Variants in INPP4B observed in about 807,000 individuals in gnomAD.
INPP4B encodes the protein inositol polyphosphate 4-phosphatase type II.
INPP4B carries 55 observed loss-of-function variants against 122.5 expected under a neutral mutation model. The ratio of observed to expected loss-of-function variants is 0.45; its 90% CI spans 0.36 to 0.56. INPP4B has a LOEUF of 0.56. Among genes scored for constraint, INPP4B ranks in the 20% least tolerant of loss-of-function variants. INPP4B has a pLI of 0.00. For synonymous variants in INPP4B, 403 were observed against 388.7 expected (o/e 1.04, Z -0.43); for missense variants, 1,000 against 1,097.7 (o/e 0.91, Z 1.26).
At chr4:142,540,112 G>A (rs968293619) in intron 2 of INPP4B, among the ~76,000 whole-genome samples, 2 of 151,816 alleles carry the variant, frequency 1.3e-5, no homozygotes, top group Non-Finnish European at 2.9e-5. Context: ...AATACAAGTG[G>A]AATGAAATAA....
intron 7 of INPP4B, among the ~76,000 whole-genome samples, chr4:142,377,255 GA>G (rs1245125809): frequency 6.6e-6 from 1 of 151,502 alleles, no homozygotes; most frequent in East Asian, 1.9e-4. Context: ...GGCTAGTGAA[GA>G]AACATTTTGC....
chr4:142,209,932 A>G (rs1844210538), intron 12 of INPP4B, among the ~76,000 whole-genome samples: 1 of 152,140 alleles, frequency 6.6e-6, no homozygotes, highest in African/African-American at 2.4e-5. Context: ...TCTTTATCAA[A>G]AAGAAGAGCT....
intron 7 of INPP4B, among the ~76,000 whole-genome samples, chr4:142,357,731 G>C (rs1480269900): frequency 6.6e-6 from 1 of 151,946 alleles, no homozygotes; most frequent in Non-Finnish European, 1.5e-5. Context: ...TTTGCCTCTA[G>C]TAAATCTTAT....
chr4:142,453,425 A>G (rs1471832780), intron 3 of INPP4B, among the ~76,000 whole-genome samples: 1 of 152,202 alleles, frequency 6.6e-6, no homozygotes, highest in Non-Finnish European at 1.5e-5. Flanking sequence ...TAAATTGTCT[A>G]TAGTTTCTGA....
In INPP4B at chr4:142,629,531, A is replaced by C. The variant is rs1340697070; in HGVS notation, c.-191+96308T>G. ...ATGAGTGTGTATGTGTGTGTGTTTG[A>C]GGGGCAGAGAGAACACACTGAGGTG... On this transcript the variant is annotated intron_variant, in intron 2 of 25. Coordinates refer to ENST00000262992, the MANE Select transcript of INPP4B (RefSeq NM_001101669.3). Among the ~76,000 whole-genome samples, 3 of 152,002 alleles carry C rather than the reference A, an allele frequency of 2.0e-5. No individual in the cohort carries two copies. In the South Asian group the frequency reaches 6.2e-4, roughly 31 times the overall value.
At position 142,483,182 on chromosome 4, in the gene INPP4B, C is replaced by CTTTTTT. The variant is rs5862604; in HGVS notation, c.-190-20462_-190-20457dup. On this transcript the variant is annotated intron_variant, in intron 2 of 25. Transcript: ENST00000262992. The stretch of plus-strand genomic sequence containing the variant: ...TAATAATGACTGGAGTCAGGCTATG[C>CTTTTTT]TTTTTTTTTTTTTTTTTTTTTTTTT... 5.4e-4 allele frequency among the ~76,000 whole-genome samples: 26 copies of CTTTTTT among 48,334 alleles called. 6 individuals are homozygous for CTTTTTT. The highest frequency in any genetic ancestry group is 2.3e-3 in the African/African-American group (23 of 10,092). 31.7% of individuals were successfully genotyped at this position (48,334 alleles called of 152,430 possible).
At chr4:142,514,821 A>C (rs943605849) in intron 2 of INPP4B, among the ~76,000 whole-genome samples, 26 of 142,098 alleles carry the variant, frequency 1.8e-4, no homozygotes, top group African/African-American at 6.9e-4. Flanking sequence ...TTTGAGACGA[A>C]GTCTCACTCT....
At chr4:142,062,046 T>G (rs1361983229) in intron 25 of INPP4B, among the ~76,000 whole-genome samples, 2 of 152,008 alleles carry the variant, frequency 1.3e-5, no homozygotes, top group African/African-American at 4.8e-5. Context: ...CTTGCAAGTA[T>G]GCTAAATTCA....
chr4:142,809,861 T>A (rs368056155), intron 1 of INPP4B, among the ~76,000 whole-genome samples: 1 of 151,984 alleles, frequency 6.6e-6, no homozygotes, highest in African/African-American at 2.4e-5. Flanking sequence ...GGATATTACA[T>A]GGCCTTGGTC....
At chr4:142,733,625 C>A (rs1766408955) in intron 1 of INPP4B, among the ~76,000 whole-genome samples, 1 of 151,894 alleles carries the variant, frequency 6.6e-6, no homozygotes, top group Admixed American at 6.6e-5. Flanking sequence ...AAGATAATAG[C>A]AAGAGTTAGC....
chr4:142,447,021 TTTTC>T (rs1364187761), intron 3 of INPP4B, among the ~76,000 whole-genome samples: 1 of 152,178 alleles, frequency 6.6e-6, no homozygotes, highest in East Asian at 1.9e-4. Context: ...GAAAAAAAGT[TTTTC>T]TTTATATCTG....
At chr4:142,736,729 T>C (rs1027223975) in intron 1 of INPP4B, among the ~76,000 whole-genome samples, 2 of 152,180 alleles carry the variant, frequency 1.3e-5, no homozygotes, top group African/African-American at 2.4e-5. Context: ...AGATATACAA[T>C]CATGTCATCT....
chr4:142,253,887 C>G (rs1579463806), intron 11 of INPP4B, among the ~76,000 whole-genome samples: 1 of 152,166 alleles, frequency 6.6e-6, no homozygotes, highest in Non-Finnish European at 1.5e-5. Flanking sequence ...TCTGTAGGCT[C>G]CACCTCTGGG....
intron 2 of INPP4B, among the ~76,000 whole-genome samples, chr4:142,667,091 T>C (rs1353387948): frequency 6.6e-6 from 1 of 152,170 alleles, no homozygotes; most frequent in Non-Finnish European, 1.5e-5. Flanking sequence ...ATGCTGATCA[T>C]ACTAACAGCA....
intron 18 of INPP4B, among the ~76,000 whole-genome samples, chr4:142,141,789 C>T (rs576271581): frequency 4.6e-5 from 7 of 152,072 alleles, no homozygotes; most frequent in African/African-American, 1.7e-4. Context: ...TAGCACAACC[C>T]AGATGACCAT....
chr4:142,069,746 A>G (rs1000425622), intron 25 of INPP4B, among the ~76,000 whole-genome samples: 2 of 152,208 alleles, frequency 1.3e-5, no homozygotes, highest in Non-Finnish European at 2.9e-5. Context: ...GAAATGGATA[A>G]ATTCCTGGAC....
intron 1 of INPP4B, among the ~76,000 whole-genome samples, chr4:142,748,006 G>A (rs926632439): frequency 1.3e-5 from 2 of 151,996 alleles, no homozygotes; most frequent in Non-Finnish European, 2.9e-5. Context: ...ATGTACCCCA[G>A]AACTTAGAGT....
intron 25 of INPP4B, among the ~76,000 whole-genome samples, chr4:142,044,200 G>C (rs1284016089): frequency 6.6e-6 from 1 of 152,134 alleles, no homozygotes; most frequent in Non-Finnish European, 1.5e-5. Flanking sequence ...GAGGTTTGGA[G>C]AGGATCTATG....
At chr4:142,812,456 C>T (rs1200281442) in intron 1 of INPP4B, among the ~76,000 whole-genome samples, 2 of 152,084 alleles carry the variant, frequency 1.3e-5, no homozygotes, top group Non-Finnish European at 2.9e-5. Flanking sequence ...TAGTATTGTG[C>T]ATTTTAATAA....
Sources: gnomAD v4.1 joint callset for allele counts (sites outside exome capture counted in the v4.1 genomes callset) on GRCh38, gnomAD v4.1.1 for gene constraint, MANE v1.5 for transcripts, NCBI Gene and HGNC (gene_info 2026-07-23, HGNC 2026-07-21) for gene names.